Variants in RGPD2 observed in about 807,000 individuals in gnomAD.
RGPD2 encodes the protein RANBP2 like and GRIP domain containing 2.
A neutral mutation model predicts 36.0 loss-of-function variants in RGPD2; 2 were observed. The observed-to-expected ratio is 0.06, with a 90% CI of 0.02 to 0.17. The LOEUF is 0.17. Ranked by LOEUF, RGPD2 falls within the 10% of genes least tolerant of loss-of-function variation. The pLI, the probability that RGPD2 is intolerant of heterozygous loss-of-function variation, is 1.00. For missense variants in RGPD2, 40 were observed against 464.3 expected (o/e 0.09, Z 8.40); for synonymous variants, 19 against 163.8 (o/e 0.12, Z 6.75).
the RGPD2 span, among the ~76,000 whole-genome samples, chr2:87,972,018 CATAA>C: frequency 0.062 from 9,340 of 150,948 alleles, 329 homozygotes; most frequent in Middle Eastern, 0.11. Context: ...AAAACTAAAA[CATAA>C]ACCAGAACAT....
At chr2:87,836,783 G>A in the RGPD2 span, among the ~76,000 whole-genome samples, 1 of 152,084 alleles carries the variant, frequency 6.6e-6, no homozygotes, top group Non-Finnish European at 1.5e-5. Context: ...AAAAAGCACA[G>A]AGTGACAAAT....
chr2:87,961,774 CCT>C, the RGPD2 span, among the ~76,000 whole-genome samples: 2 of 149,554 alleles, frequency 1.3e-5, no homozygotes, highest in African/African-American at 4.9e-5. Flanking sequence ...AAAAGTCAGA[CCT>C]CTCTATATGC....
chr2:87,958,206 T>C, the RGPD2 span, among the ~76,000 whole-genome samples: 2 of 152,052 alleles, frequency 1.3e-5, no homozygotes, highest in South Asian at 4.1e-4. Context: ...TATAACTCCA[T>C]ATGGTTAATT....
At chr2:87,936,124 TTATTTTCAGA>T in the RGPD2 span, among the ~76,000 whole-genome samples, 1 of 138,418 alleles carries the variant, frequency 7.2e-6, no homozygotes, top group Admixed American at 7.5e-5. Context: ...TTATTGGTAG[TTATTTTCAGA>T]TATGAGTGGG....
chr2:87,985,772 C>T, the RGPD2 span: 112 of 1,610,634 alleles, frequency 7.0e-5, 3 homozygotes, highest in East Asian at 1.0e-3. Context: ...CCATCACGTT[C>T]ATGAGACAAG....
At chr2:87,857,774 T>TAAAACAAAAAA in the RGPD2 span, among the ~76,000 whole-genome samples, 2 of 123,484 alleles carry the variant, frequency 1.6e-5, no homozygotes, top group African/African-American at 7.6e-5. Context: ...CCATCTCTAC[T>TAAAACAAAAAA]AAAAAAAAAA....
intron 1 of RGPD2, among the ~76,000 whole-genome samples, chr2:87,825,367 C>CGCCGAG (rs1686666185): frequency 2.1e-5 from 3 of 145,338 alleles, no homozygotes; most frequent in African/African-American, 7.5e-5. Context: ...CGGGCTCCTA[C>CGCCGAG]GCCGAGGCCG....
At chr2:87,812,842 C>T (rs1342532909) in intron 4 of RGPD2, among the ~76,000 whole-genome samples, 1 of 150,234 alleles carries the variant, frequency 6.7e-6, no homozygotes, top group Non-Finnish European at 1.5e-5. Context: ...TTTTTTTTAA[C>T]GTTCTGTAGA....
At chr2:87,846,625 C>T in the RGPD2 span, among the ~76,000 whole-genome samples, 7 of 152,220 alleles carry the variant, frequency 4.6e-5, no homozygotes, top group Admixed American at 6.5e-5. Context: ...TATGAGCATA[C>T]GTGCAAAAAC....
the RGPD2 span, among the ~76,000 whole-genome samples, chr2:87,984,267 G>A: frequency 1.3e-5 from 2 of 152,256 alleles, no homozygotes; most frequent in South Asian, 2.1e-4. Flanking sequence ...TGGCACCGGC[G>A]AACCCCTTTC....
At chr2:87,948,435 G>A in the RGPD2 span, among the ~76,000 whole-genome samples, 5 of 150,876 alleles carry the variant, frequency 3.3e-5, no homozygotes, top group African/African-American at 1.2e-4. Flanking sequence ...AGGCTAGAGT[G>A]CAATGGCACA....
chr2:87,798,768 T>C (rs904460342), intron 8 of RGPD2, among the ~76,000 whole-genome samples: 1 of 120,862 alleles, frequency 8.3e-6, no homozygotes, highest in African/African-American at 2.9e-5. Flanking sequence ...CTGGGGAGGC[T>C]GAGGGAGGAG....
At chr2:87,791,103 ACTCGGG>A (rs1363764253) in intron 17 of RGPD2, among the ~76,000 whole-genome samples, 4 of 104,256 alleles carry the variant, frequency 3.8e-5, no homozygotes, top group African/African-American at 1.5e-4. Context: ...CAGTTCAATC[ACTCGGG>A]AACCTTCTCT....
At chr2:87,871,813 C>A in the RGPD2 span, among the ~76,000 whole-genome samples, 1 of 147,830 alleles carries the variant, frequency 6.8e-6, no homozygotes. Flanking sequence ...TGCGGTGCGC[C>A]GAGATCACAC....
At chr2:87,877,132 C>A in the RGPD2 span, among the ~76,000 whole-genome samples, 5 of 152,040 alleles carry the variant, frequency 3.3e-5, no homozygotes, top group Non-Finnish European at 7.4e-5. Flanking sequence ...GGACAGCATA[C>A]CAATGGGTCT....
the RGPD2 span, among the ~76,000 whole-genome samples, chr2:87,864,621 GATAC>G: frequency 4.5e-3 from 67 of 15,004 alleles, no homozygotes; most frequent in South Asian, 0.094. Flanking sequence ...TAGATAGATA[GATAC>G]ATAGATGATA....
chr2:87,864,912 C>A, the RGPD2 span, among the ~76,000 whole-genome samples: 30 of 152,328 alleles, frequency 2.0e-4, no homozygotes, highest in African/African-American at 7.0e-4. Context: ...CCTTGGTTTT[C>A]TTCCTCTTAA....
At chr2:87,874,047 C>G in the RGPD2 span, among the ~76,000 whole-genome samples, 1 of 151,110 alleles carries the variant, frequency 6.6e-6, no homozygotes, top group African/African-American at 2.4e-5. Flanking sequence ...AGTGTCTGTT[C>G]ATGTCCTTTG....
At chr2:87,829,157 T>A (rs2104395692), upstream of RGPD2, among the ~76,000 whole-genome samples, 1 of 27,088 alleles carries the variant, frequency 3.7e-5, no homozygotes, top group Middle Eastern at 7.0e-3. Context: ...TCTTGAACAT[T>A]TCCATTGCTT....
Sources: gnomAD v4.1 joint callset for allele counts (sites outside exome capture counted in the v4.1 genomes callset) on GRCh38, gnomAD v4.1.1 for gene constraint, MANE v1.5 for transcripts, NCBI Gene and HGNC (gene_info 2026-07-23, HGNC 2026-07-21) for gene names.